The following CCS variants were observed in gnomAD, a reference collection of about 807,000 sequenced individuals.
CCS encodes the protein copper chaperone for superoxide dismutase.
A neutral mutation model predicts 35.5 loss-of-function variants in CCS; 32 were observed. That is an observed-to-expected ratio of 0.90 (90% CI 0.68 to 1.21). The LOEUF (loss-of-function observed/expected upper bound fraction) is 1.21. Ranked by LOEUF, CCS falls within the 50% of genes most tolerant of loss-of-function variation. CCS has a pLI of 0.00. For missense variants in CCS, 342 were observed against 375.4 expected, an observed-to-expected ratio of 0.91 and a Z score of 0.73; for synonymous variants, 130 against 147.2, an observed-to-expected ratio of 0.88 and a Z score of 0.84.
Position 66,597,751 on chromosome 11 carries a change from CA to C in CCS, c.113-1351del, listed in dbSNP as rs1313468590. 3.9e-3 allele frequency among the ~76,000 whole-genome samples: 473 copies of C among 121,892 alleles called. 5 individuals carry two copies. Among genetic ancestry groups the C allele is most frequent in the South Asian group, 0.012 (47 of 3,916 alleles). 80.0% of individuals were successfully genotyped at this position (121,892 alleles called of 152,430 possible). ...TGGGCGACAGAGTGAGACTCTGTCT[CA>C]AAAAAAAAAAAAAGATATAATTCAT... On this transcript the variant is annotated intron_variant, in intron 2 of 7. Transcript: ENST00000533244.
chr11:66,603,863 C>CAA (rs1482487361), intron 5 of CCS, among the ~76,000 whole-genome samples: 1 of 149,068 alleles, frequency 6.7e-6, no homozygotes, highest in Non-Finnish European at 1.5e-5. Context: ...CAAAACAAAA[C>CAA]AAAACAAAAC....
chr11:66,598,855 A>G (rs528077499), intron 2 of CCS, among the ~76,000 whole-genome samples: 1 of 152,298 alleles, frequency 6.6e-6, no homozygotes, highest in South Asian at 2.1e-4. Context: ...GTATGTTTCC[A>G]AAGTTATAAA....
intron 2 of CCS, among the ~76,000 whole-genome samples, chr11:66,596,870 G>A (rs559319290): frequency 3.9e-5 from 6 of 152,192 alleles, no homozygotes; most frequent in Non-Finnish European, 8.8e-5. Context: ...GCTTCCTAGG[G>A]TGAGTACAAT....
In CCS at chr11:66,599,608, T is replaced by C; in HGVS notation, c.400T>C (p.Tyr134His). ...GCTGCATGGACTCCACGTCCATCAG[T>C]ACGGGGACCTTACAAACAACTGCAA... ...PGLHGLHVHQ[Y>H]GDLTNNCNSC... The change falls in exon 4 of 8, where the codon TAC becomes CAC. Residue 134 changes from tyrosine to histidine, a missense_variant. By Grantham distance (83) the Tyr-to-His change is moderately conservative. Transcript: ENST00000533244. 1 of 1,611,150 alleles carries C rather than the reference T, an allele frequency of 6.2e-7. No homozygotes were observed. Among genetic ancestry groups the C allele is most frequent in the African/African-American group, 1.3e-5 (1 of 74,784 alleles).
At chr11:66,598,372 A>G (rs1210618402) in intron 2 of CCS, among the ~76,000 whole-genome samples, 2 of 147,624 alleles carry the variant, frequency 1.4e-5, no homozygotes, top group Non-Finnish European at 3.0e-5. Context: ...TTAGCTGGGC[A>G]TGGTGGTGGT....
intron 5 of CCS, among the ~76,000 whole-genome samples, chr11:66,600,810 G>C (rs771173764): frequency 2.0e-5 from 3 of 152,186 alleles, no homozygotes; most frequent in Non-Finnish European, 4.4e-5. Flanking sequence ...TGGTTTCCAG[G>C]CAGTGAGATC....
chr11:66,605,141 T>C (rs1266925072), intron 5 of CCS, 198 bp from the exon 6 acceptor site: 1 of 1,530,098 alleles, frequency 6.5e-7, no homozygotes. Flanking sequence ...CCTGGACCAC[T>C]TTCCACTTCC....
Position 66,605,994 on chromosome 11 carries a change from A to G in CCS, c.*139A>G. ...GAGCTGCTGTGGTGTTCCCTTGGCA[A>G]ATGAAAGTTTTATTTTCGTTTGGGA... On this transcript the variant is annotated 3_prime_UTR_variant, in exon 8 of 8. Transcript: ENST00000533244. 1.1e-6 allele frequency: 1 copy of G among 899,654 alleles called. No homozygotes were observed. The highest frequency in any genetic ancestry group is 3.2e-5 in the South Asian group (1 of 31,448). 55.7% of individuals were successfully genotyped at this position (899,654 alleles called of 1,614,324 possible). A position where few individuals can be genotyped will look rare whatever the true frequency, so the allele number is the denominator to read the frequency against.
chr11:66,593,556 G>A (rs996619356), intron 1 of CCS, 86 bp from the exon 2 acceptor site: 41 of 1,363,850 alleles, frequency 3.0e-5, no homozygotes, highest in Non-Finnish European at 3.6e-5. Flanking sequence ...CCAGACCCTT[G>A]CGGTGGTCAT....
At chr11:66,593,595 A>G (rs749979522) in intron 1 of CCS, 47 bp from the exon 2 acceptor site, 1 of 1,595,790 alleles carries the variant, frequency 6.3e-7, no homozygotes, top group Admixed American at 1.7e-5. Context: ...AAGTCATACC[A>G]AGGCACTTCC....
At position 66,605,672 on chromosome 11, in the gene CCS, A is replaced by G. The variant is rs73505427; in HGVS notation, c.672-30A>G. The G allele has an allele frequency of 9.1e-4, 1,429 of 1,575,664 alleles. 17 individuals are homozygous for G. The African/African-American group carries it at 0.017, about 18-fold the overall frequency. ...ACCCAGGGGTGGGGGCCAAACAGGT[A>G]CCCACCCCTGACCACACATTCTTCT... On this transcript the variant is annotated intron_variant, in intron 7 of 7. Coordinates refer to ENST00000533244, the MANE Select transcript of CCS (RefSeq NM_005125.2).
chr11:66,593,275 CG>C lies in CCS; in HGVS notation c.18del (p.Asn7ThrfsTer14). The C allele has an allele frequency of 1.3e-6, 2 of 1,559,286 alleles. No individual in the cohort carries two copies. Among genetic ancestry groups the C allele is most frequent in the Non-Finnish European group, 1.7e-6 (2 of 1,152,582 alleles). The stretch of plus-strand genomic sequence containing the variant: ...ACTGGGTCCAGAATGGCTTCGGATT[CG>C]GGGAACCAGGGGACCCTCTGCACGG... MASD[S>X]GNQGTLCTLE... On this transcript the variant is annotated frameshift_variant, in exon 1 of 8. Transcript: ENST00000533244. LOFTEE classifies it high-confidence loss of function.
At chr11:66,602,925 G>A (rs1414477379) in intron 5 of CCS, among the ~76,000 whole-genome samples, 1 of 152,264 alleles carries the variant, frequency 6.6e-6, no homozygotes, top group Non-Finnish European at 1.5e-5. Flanking sequence ...AGAATTCCAT[G>A]TGGGAATTTG....
chr11:66,600,614 G>C, intron 5 of CCS, 65 bp downstream of exon 5: 1 of 795,152 alleles, frequency 1.3e-6, no homozygotes, highest in East Asian at 2.9e-5. Flanking sequence ...GGCAGGGCAG[G>C]CAGCTCTTGG....
intron 2 of CCS, among the ~76,000 whole-genome samples, chr11:66,594,774 CAA>C (rs992030660): frequency 2.0e-4 from 13 of 64,992 alleles, no homozygotes; most frequent in Non-Finnish European, 1.9e-4. Context: ...GACCCTCTCT[CAA>C]AAAAAAAAAA....
chr11:66,600,303 G>T (rs568521930), intron 4 of CCS, 186 bp from the exon 5 acceptor site: 2 of 405,004 alleles, frequency 4.9e-6, no homozygotes, highest in African/African-American at 4.1e-5. Context: ...TGAGCCAGAA[G>T]CTTATTCAGG....
Position 66,605,702 on chromosome 11 carries a change from G to T in CCS, c.672G>T (p.Arg224Ser), listed in dbSNP as rs763414106. Residue 224 changes from arginine (R) to serine (S), a missense_variant and splice_region_variant, in exon 8 of 8, where the codon AGG becomes AGT. Arg to Ser is a moderately radical substitution (Grantham distance 110). Coordinates refer to ENST00000533244, the MANE Select transcript of CCS (RefSeq NM_005125.2). ...CCCCTGACCACACATTCTTCTGCAG[G>T]TTGGCCTGTGGCATCATTGCACGCT... is the stretch of plus-strand genomic sequence containing the variant. ...LSKITGNSGE[R>S]LACGIIARSA... 13 of 1,579,958 alleles carry T rather than the reference G, an allele frequency of 8.2e-6. No individual in the cohort carries two copies. Among genetic ancestry groups the T allele is most frequent in the Middle Eastern group, 3.4e-4 (2 of 5,896 alleles).
At chr11:66,601,045 G>A (rs1319162301) in intron 5 of CCS, among the ~76,000 whole-genome samples, 1 of 152,102 alleles carries the variant, frequency 6.6e-6, no homozygotes, top group Non-Finnish European at 1.5e-5. Flanking sequence ...AATGATTTTT[G>A]CCTTATCTGA....
At chr11:66,599,789 C>T in intron 4 of CCS, 153 bp downstream of exon 4, 3 of 728,754 alleles carry the variant, frequency 4.1e-6, no homozygotes, top group South Asian at 1.9e-5. Flanking sequence ...CAAAGGTCCA[C>T]AGCAGGTAAA....
Sources: allele counts gnomAD v4.1 joint callset (sites outside exome capture counted in the v4.1 genomes callset), GRCh38; gene constraint gnomAD v4.1.1; transcripts MANE v1.5; gene names NCBI Gene and HGNC (gene_info 2026-07-23, HGNC 2026-07-21).